Variants in WNK1 observed in about 807,000 individuals in gnomAD.
WNK1 encodes the protein WNK lysine deficient protein kinase 1.
Under a neutral mutation model 222.8 loss-of-function variants are expected in WNK1, and 38 were observed. The ratio of observed to expected loss-of-function variants is 0.17; its 90% CI spans 0.13 to 0.22. WNK1 has a LOEUF of 0.22. Among genes scored for constraint, WNK1 ranks in the 10% least tolerant of loss-of-function variants. WNK1 has a pLI of 1.00. For missense variants in WNK1, 2,348 were observed against 2,918.4 expected (o/e 0.80, Z 4.50); for synonymous variants, 1,090 against 1,092.9 (o/e 1.00, Z 0.05).
chr12:847,083 T>C (rs1340176400), intron 4 of WNK1, among the ~76,000 whole-genome samples: 1 of 152,204 alleles, frequency 6.6e-6, no homozygotes, highest in Admixed American at 6.5e-5. Context: ...TGCTGTGATT[T>C]AATTAAGATT....
intron 1 of WNK1, among the ~76,000 whole-genome samples, chr12:803,048 T>G (rs1946036442): frequency 6.6e-6 from 1 of 152,162 alleles, no homozygotes; most frequent in South Asian, 2.1e-4. Context: ...AGAATAAAAT[T>G]GAAGAAATTA....
chr12:813,597 GT>G (rs769454559), intron 1 of WNK1, 44 bp from the exon 2 acceptor site: 1 of 1,598,220 alleles, frequency 6.3e-7, no homozygotes, highest in Non-Finnish European at 8.6e-7. Context: ...CTGATTTGGT[GT>G]TTTATCATTT....
intron 26 of WNK1, chr12:906,497 AG>A: frequency 1.0e-6 from 1 of 985,186 alleles, no homozygotes; most frequent in African/African-American, 1.7e-5. Flanking sequence ...AAGAGTGGGG[AG>A]AAGCGGTGGG....
intron 4 of WNK1, among the ~76,000 whole-genome samples, chr12:832,456 T>G (rs1948875088): frequency 1.3e-5 from 2 of 152,192 alleles, no homozygotes; most frequent in South Asian, 2.1e-4. Flanking sequence ...ATCTTTGGAG[T>G]CAAAGATTAA....
chr12:777,279 C>T (rs1210608426), intron 1 of WNK1, among the ~76,000 whole-genome samples: 2 of 151,540 alleles, frequency 1.3e-5, no homozygotes, highest in African/African-American at 4.8e-5. Flanking sequence ...TCTGCCTCAG[C>T]CTCCTCAGTA....
intron 2 of WNK1, among the ~76,000 whole-genome samples, chr12:823,278 C>T (rs534851959): frequency 2.6e-4 from 40 of 152,168 alleles, no homozygotes; most frequent in Middle Eastern, 3.4e-3. Context: ...TGCATTTATC[C>T]TTAGAGTTTG....
intron 9 of WNK1, among the ~76,000 whole-genome samples, chr12:873,136 C>T (rs1366611908): frequency 4.6e-5 from 7 of 152,214 alleles, no homozygotes; most frequent in Admixed American, 2.6e-4. Flanking sequence ...TCCTAACTTG[C>T]TTATCTTTGG....
chr12:906,192 TA>T (rs771611138), intron 26 of WNK1: 2 of 589,702 alleles, frequency 3.4e-6, no homozygotes, highest in Non-Finnish European at 4.3e-6. Context: ...CAACTTACTT[TA>T]GGAGCTTTTA....
At chr12:851,536 CCTGT>C in intron 4 of WNK1, 1 of 1,171,418 alleles carries the variant, frequency 8.5e-7, no homozygotes, top group Non-Finnish European at 1.1e-6. Flanking sequence ...AGAGCAAATT[CCTGT>C]CTGAGAGTTG....
rs58787108 is a variant in WNK1 at position 907,320 on chromosome 12, C to CAA, written c.6644-513_6644-512dup. 2.4e-3 allele frequency among the ~76,000 whole-genome samples: 292 copies of CAA among 121,302 alleles called. 2 individuals are homozygous for CAA. Among genetic ancestry groups the CAA allele is most frequent in the East Asian group, 6.0e-3 (23 of 3,834 alleles). The allele number at this position is 121,302 out of a possible 152,430, so 79.6% of individuals were successfully genotyped here. A position where few individuals can be genotyped will look rare whatever the true frequency, so the allele number is the denominator to read the frequency against. On this transcript the variant is annotated intron_variant, in intron 26 of 27. Transcript: ENST00000315939. ...TGAGTAATAGAGTGAGACTCCATCT[C>CAA]AAAAAAAAAAAAAAAGGCTAAAGAA...
intron 24 of WNK1, 151 bp downstream of exon 24, chr12:896,883 CCACCACACACA>C: frequency 1.7e-6 from 1 of 582,436 alleles, no homozygotes; most frequent in Non-Finnish European, 2.9e-6. Context: ...CCATACCTCC[CCACCACACACA>C]CACACACACA....
intron 27 of WNK1, 124 bp downstream of exon 27, chr12:908,158 C>A (rs1705610612): frequency 3.1e-6 from 4 of 1,273,992 alleles, no homozygotes; most frequent in Admixed American, 4.0e-5. Context: ...TTTAGAAAAA[C>A]AAGGCAAAAA....
At chr12:882,798 GAC>G in intron 14 of WNK1, 143 bp from the exon 15 acceptor site, 1 of 657,934 alleles carries the variant, frequency 1.5e-6, no homozygotes, top group Non-Finnish European at 2.7e-6. Flanking sequence ...CAGTTTAAGA[GAC>G]AAAGTACTAG....
chr12:901,280 A>G (rs1366142619), intron 26 of WNK1, among the ~76,000 whole-genome samples: 2 of 152,244 alleles, frequency 1.3e-5, no homozygotes, highest in African/African-American at 4.8e-5. Flanking sequence ...TTTCACAGAA[A>G]TTAGAGATCA....
intron 20 of WNK1, 51 bp downstream of exon 20, chr12:887,355 A>G (rs1467999144): frequency 3.2e-6 from 5 of 1,580,832 alleles, no homozygotes; most frequent in Non-Finnish European, 4.3e-6. Context: ...TCTTTGACAA[A>G]GCTTGCTGAA....
intron 26 of WNK1, among the ~76,000 whole-genome samples, chr12:902,091 A>G (rs1409090557): frequency 1.3e-5 from 2 of 151,502 alleles, no homozygotes; most frequent in African/African-American, 4.9e-5. Flanking sequence ...TGAGGCCAGG[A>G]GCTCGAGACC....
chr12:879,542 CTGTCTGT>C, intron 10 of WNK1, 24 bp from the exon 11 acceptor site: 1 of 825,382 alleles, frequency 1.2e-6, no homozygotes, highest in Non-Finnish European at 1.8e-6. Context: ...TTTTTTAAGC[CTGTCTGT>C]TTTGTTTTTC....
intron 1 of WNK1, among the ~76,000 whole-genome samples, chr12:782,351 C>T (rs2153969071): frequency 6.6e-6 from 1 of 152,222 alleles, no homozygotes; most frequent in East Asian, 1.9e-4. Flanking sequence ...CTCTCAATAA[C>T]TACATAGTAT....
intron 5 of WNK1, among the ~76,000 whole-genome samples, chr12:857,675 G>A (rs1280517580): frequency 6.6e-6 from 1 of 152,200 alleles, no homozygotes; most frequent in African/African-American, 2.4e-5. Flanking sequence ...CCTTACGCCA[G>A]AATTGAAGAA....
Sources: allele counts gnomAD v4.1 joint callset (sites outside exome capture counted in the v4.1 genomes callset), GRCh38; gene constraint gnomAD v4.1.1; transcripts MANE v1.5; gene names NCBI Gene and HGNC (gene_info 2026-07-23, HGNC 2026-07-21).